KCNMB2: variants seen among roughly 807,000 people sequenced by gnomAD.
The protein encoded by KCNMB2 is calcium-activated potassium channel subunit beta-2.
A neutral mutation model predicts 24.5 loss-of-function variants in KCNMB2; 9 were observed. That is an observed-to-expected ratio of 0.37 (90% CI 0.22 to 0.64). KCNMB2 has a LOEUF of 0.64. Among genes scored for constraint, KCNMB2 ranks in the 30% least tolerant of loss-of-function variants. KCNMB2 has a pLI of 0.63. For missense variants in KCNMB2, 226 were observed against 284.3 expected, an observed-to-expected ratio of 0.79 and a Z score of 1.47; for synonymous variants, 109 against 104.4, an observed-to-expected ratio of 1.04 and a Z score of -0.27.
chr3:178,598,935 T>TG (rs1717978318), intron 1 of KCNMB2, among the ~76,000 whole-genome samples: 1 of 152,092 alleles, frequency 6.6e-6, no homozygotes, highest in African/African-American at 2.4e-5. Context: ...TTATTTGGTT[T>TG]GGGGATAGAC....
chr3:178,591,760 A>T (rs1307155557), intron 1 of KCNMB2, among the ~76,000 whole-genome samples: 1 of 152,114 alleles, frequency 6.6e-6, no homozygotes, highest in East Asian at 1.9e-4. Context: ...CTATAGTCAA[A>T]TCCCTTAACG....
intron 1 of KCNMB2, among the ~76,000 whole-genome samples, chr3:178,554,614 C>A (rs1050828487): frequency 6.6e-6 from 1 of 152,106 alleles, no homozygotes. Flanking sequence ...ACAATCAATT[C>A]TCAGGCCCCT....
chr3:178,781,835 A>C (rs927237547), intron 1 of KCNMB2, among the ~76,000 whole-genome samples: 2 of 150,258 alleles, frequency 1.3e-5, no homozygotes, highest in Admixed American at 6.6e-5. Context: ...ACATGTGCAC[A>C]TAGTGCAGGT....
At chr3:178,654,892 T>C (rs976421532) in intron 1 of KCNMB2, among the ~76,000 whole-genome samples, 1 of 152,198 alleles carries the variant, frequency 6.6e-6, no homozygotes, top group Non-Finnish European at 1.5e-5. Flanking sequence ...ATTTGCTGTG[T>C]TATCTCAGGC....
At position 178,799,356 on chromosome 3, in the gene KCNMB2, C is replaced by A. The variant is rs553862277; in HGVS notation, c.-67-7987C>A. On this transcript the variant is annotated intron_variant, in intron 1 of 4. Coordinates refer to ENST00000452583, the MANE Select transcript of KCNMB2 (RefSeq NM_181361.3). ...GTTGCAGGATCCAAAAATCAACACA[C>A]AAAAATAGTAGCATTTCTATATGCC... Among the ~76,000 whole-genome samples the A allele has an allele frequency of 7.9e-5, 12 of 152,014 alleles. No individual in the cohort carries two copies. The East Asian group carries it at 1.3e-3, about 17-fold the overall frequency.
chr3:178,782,531 C>G (rs1712901039), intron 1 of KCNMB2, among the ~76,000 whole-genome samples: 1 of 149,344 alleles, frequency 6.7e-6, no homozygotes, highest in South Asian at 2.2e-4. Flanking sequence ...TTGCATTTCT[C>G]TGATGGCCAG....
chr3:178,679,713 CT>C (rs376872707), intron 1 of KCNMB2, among the ~76,000 whole-genome samples: 2 of 152,240 alleles, frequency 1.3e-5, no homozygotes, highest in African/African-American at 4.8e-5. Context: ...TCCACTTGCC[CT>C]GTCCCCTTTG....
At chr3:178,617,354 C>A (rs930988002) in intron 1 of KCNMB2, among the ~76,000 whole-genome samples, 1 of 150,438 alleles carries the variant, frequency 6.6e-6, no homozygotes, top group Non-Finnish European at 1.5e-5. Context: ...GTCAGGAGAT[C>A]GAGACCATCC....
chr3:178,668,147 A>G (rs1313939133), intron 1 of KCNMB2, among the ~76,000 whole-genome samples: 1 of 152,124 alleles, frequency 6.6e-6, no homozygotes, highest in Non-Finnish European at 1.5e-5. Context: ...GTATTTGCTG[A>G]GCCACTGCTC....
rs545970691 is a variant in KCNMB2 at position 178,563,967 on chromosome 3, T to A, written c.-68+27256T>A. Among the ~76,000 whole-genome samples the A allele has an allele frequency of 3.1e-4, 47 of 152,204 alleles. 1 individual carries two copies. The highest frequency in any genetic ancestry group is 1.1e-3 in the African/African-American group (46 of 41,536). On this transcript the variant is annotated intron_variant, in intron 1 of 4. Coordinates refer to ENST00000452583, the MANE Select transcript of KCNMB2 (RefSeq NM_181361.3). ...TCACAACAAGAAGACTGAGAAGACA[T>A]CTGCAAAGTATTTTTAAAACATTGA...
chr3:178,654,643 CT>C (rs1028232532), intron 1 of KCNMB2, among the ~76,000 whole-genome samples: 1 of 152,008 alleles, frequency 6.6e-6, no homozygotes, highest in Non-Finnish European at 1.5e-5. Context: ...AATACTTAGA[CT>C]TTTTTTAAAA....
intron 1 of KCNMB2, among the ~76,000 whole-genome samples, chr3:178,678,417 A>T (rs1307687532): frequency 1.3e-5 from 2 of 152,180 alleles, no homozygotes; most frequent in Non-Finnish European, 2.9e-5. Flanking sequence ...TATTTTACAC[A>T]GGTATATAAG....
At chr3:178,824,399 G>A (rs1714749912) in intron 2 of KCNMB2, among the ~76,000 whole-genome samples, 1 of 151,590 alleles carries the variant, frequency 6.6e-6, no homozygotes, top group Non-Finnish European at 1.5e-5. Context: ...ATGGAGACTC[G>A]CTCTTTCACC....
At chr3:178,807,285 A>G in intron 1 of KCNMB2, 58 bp from the exon 2 acceptor site, 1 of 674,244 alleles carries the variant, frequency 1.5e-6, no homozygotes, top group Non-Finnish European at 2.6e-6. Flanking sequence ...TTGTTATGTA[A>G]GAGTCAATCC....
At chr3:178,809,265 T>A (rs986591097) in intron 2 of KCNMB2, among the ~76,000 whole-genome samples, 1 of 152,184 alleles carries the variant, frequency 6.6e-6, no homozygotes, top group African/African-American at 2.4e-5. Flanking sequence ...GTCCTGAAAT[T>A]CTGAAGGCTT....
At chr3:178,813,450 C>T (rs982011433) in intron 2 of KCNMB2, among the ~76,000 whole-genome samples, 3 of 152,124 alleles carry the variant, frequency 2.0e-5, no homozygotes, top group African/African-American at 7.2e-5. Flanking sequence ...AGAAATGCTA[C>T]TGCTTTTGTA....
chr3:178,701,601 G>A (rs1722098489), intron 1 of KCNMB2, among the ~76,000 whole-genome samples: 1 of 151,310 alleles, frequency 6.6e-6, no homozygotes, highest in East Asian at 1.9e-4. Context: ...TCAAAAAGTG[G>A]GTGAAGGATA....
intron 1 of KCNMB2, among the ~76,000 whole-genome samples, chr3:178,751,206 C>G (rs192477858): frequency 6.6e-6 from 1 of 152,022 alleles, no homozygotes; most frequent in Non-Finnish European, 1.5e-5. Context: ...TTTTAGGTTC[C>G]AAGAAGACCA....
At chr3:178,663,623 T>C (rs1042425588) in intron 1 of KCNMB2, among the ~76,000 whole-genome samples, 7 of 152,252 alleles carry the variant, frequency 4.6e-5, no homozygotes, top group African/African-American at 1.7e-4. Context: ...CTTAAGTCAT[T>C]TGTACTACTA....
Sources: allele counts gnomAD v4.1 joint callset (sites outside exome capture counted in the v4.1 genomes callset), GRCh38; gene constraint gnomAD v4.1.1; transcripts MANE v1.5; gene names NCBI Gene and HGNC (gene_info 2026-07-23, HGNC 2026-07-21).